The following IQSEC1 variants were observed in gnomAD, a reference collection of about 807,000 sequenced individuals.
IQSEC1 encodes the protein IQ motif and Sec7 domain ArfGEF 1, also known as IQ motif and SEC7 domain-containing protein 1.
A neutral mutation model predicts 91.0 loss-of-function variants in IQSEC1; 31 were observed. The observed-to-expected ratio is 0.34, with a 90% CI of 0.26 to 0.46. The LOEUF (loss-of-function observed/expected upper bound fraction) is 0.46. Ranked by LOEUF, IQSEC1 falls within the 20% of genes least tolerant of loss-of-function variation. The pLI is 1.00. For synonymous variants in IQSEC1, 699 were observed against 662.6 expected (o/e 1.05, Z -0.84); for missense variants, 1,388 against 1,575.6 (o/e 0.88, Z 2.02).
chr3:13,234,151 T>G (rs1422512722), intron 1 of IQSEC1, among the ~76,000 whole-genome samples: 1 of 152,134 alleles, frequency 6.6e-6, no homozygotes, highest in African/African-American at 2.4e-5. Flanking sequence ...TTTGTCTGTG[T>G]GTACCCCAGT....
In IQSEC1 at chr3:12,935,105, A is replaced by G. The variant is rs1281907804; in HGVS notation, c.1568+343T>C. ...CACATCACCCCTAGGCCTGACATCC[A>G]AAGTTGCGCAGGGCATGGCCCAACA... On this transcript the variant is annotated intron_variant, in intron 3 of 13. Coordinates refer to ENST00000613206, the MANE Select transcript of IQSEC1 (RefSeq NM_001134382.3). The surrounding 1 kb of genome is among the most constrained non-coding windows in gnomAD (Gnocchi z 8.0). Among the ~76,000 whole-genome samples, 1 of 152,050 alleles carries G rather than the reference A, an allele frequency of 6.6e-6. No individual in the cohort carries two copies. The highest frequency in any genetic ancestry group is 2.4e-5 in the African/African-American group (1 of 41,404).
intron 1 of IQSEC1, among the ~76,000 whole-genome samples, chr3:13,264,690 A>G (rs149076209): frequency 2.8e-4 from 42 of 152,114 alleles, no homozygotes; most frequent in African/African-American, 9.9e-4. Flanking sequence ...GAACGAATCA[A>G]TCACTAATTC....
At chr3:12,931,495 G>A (rs750363810) in intron 3 of IQSEC1, among the ~76,000 whole-genome samples, 3 of 152,176 alleles carry the variant, frequency 2.0e-5, no homozygotes, top group Non-Finnish European at 4.4e-5. Context: ...GAAGGTGTTC[G>A]GCATGGGGCC....
At chr3:13,143,801 T>G (rs1246751576) in intron 2 of IQSEC1, among the ~76,000 whole-genome samples, 1 of 151,900 alleles carries the variant, frequency 6.6e-6, no homozygotes, top group Admixed American at 6.6e-5. Context: ...CAGGGAGGGG[T>G]TGGGAAAGGA....
chr3:13,069,107 T>C (rs1332983433), intron 1 of IQSEC1, among the ~76,000 whole-genome samples: 1 of 152,250 alleles, frequency 6.6e-6, no homozygotes, highest in African/African-American at 2.4e-5. Flanking sequence ...GGTGGATAGA[T>C]GCTACAGCAT....
chr3:13,249,306 G>C (rs568341485), intron 1 of IQSEC1, among the ~76,000 whole-genome samples: 24 of 151,528 alleles, frequency 1.6e-4, no homozygotes, highest in Non-Finnish European at 1.6e-4. Flanking sequence ...TGAGTAGCTG[G>C]GACTACAGGC....
chr3:13,028,504 TC>T (rs1393184124), intron 1 of IQSEC1, among the ~76,000 whole-genome samples: 13 of 152,184 alleles, frequency 8.5e-5, no homozygotes, highest in African/African-American at 3.1e-4. Context: ...GGGATGTTTT[TC>T]CAAGAACTTG....
chr3:13,192,101 C>T (rs1391736159), intron 1 of IQSEC1, among the ~76,000 whole-genome samples: 4 of 151,936 alleles, frequency 2.6e-5, no homozygotes, highest in African/African-American at 9.7e-5. Context: ...TTTGGGAGGC[C>T]GAGGCGGGCG....
chr3:12,912,553 A>G (rs1488569352), intron 9 of IQSEC1, among the ~76,000 whole-genome samples: 1 of 151,854 alleles, frequency 6.6e-6, no homozygotes, highest in Non-Finnish European at 1.5e-5. Context: ...AGTCCCAGCT[A>G]CTCGGGAGGC....
At chr3:13,150,366 A>C (rs1706975279) in intron 2 of IQSEC1, among the ~76,000 whole-genome samples, 1 of 152,182 alleles carries the variant, frequency 6.6e-6, no homozygotes, top group Non-Finnish European at 1.5e-5. Flanking sequence ...CATTCTGCAA[A>C]GGGAATGTGG....
intron 12 of IQSEC1, among the ~76,000 whole-genome samples, chr3:12,906,430 G>A (rs545298934): frequency 1.3e-5 from 2 of 152,340 alleles, no homozygotes; most frequent in East Asian, 3.9e-4. Flanking sequence ...GTCCCGATGG[G>A]AGATCACAGG....
chr3:13,161,972 C>T (rs540209602), intron 2 of IQSEC1, among the ~76,000 whole-genome samples: 2 of 152,176 alleles, frequency 1.3e-5, no homozygotes, highest in Non-Finnish European at 2.9e-5. Context: ...GTTCCCCCAC[C>T]GAAATGTCGT....
intron 1 of IQSEC1, among the ~76,000 whole-genome samples, chr3:12,964,090 G>C (rs1323065083): frequency 6.6e-6 from 1 of 152,252 alleles, no homozygotes; most frequent in African/African-American, 2.4e-5. Flanking sequence ...AGCCAGGATA[G>C]TGGCAGGTCC....
At position 12,994,942 on chromosome 3, in the gene IQSEC1, GGCGGGAGCGCGCCC is replaced by G. The variant is rs1039539346; in HGVS notation, c.24-53091_24-53078del. 4.6e-5 allele frequency: 7 copies of G among 152,706 alleles called. No individual in the cohort carries two copies. Among genetic ancestry groups the G allele is most frequent in the Admixed American group, 3.9e-4 (6 of 15,314 alleles). The allele number at this position is 152,706 out of a possible 1,614,324, so 9.5% of individuals were successfully genotyped here. On this transcript the variant is annotated intron_variant, in intron 1 of 13. Coordinates refer to ENST00000613206, the MANE Select transcript of IQSEC1 (RefSeq NM_001134382.3). This position sits in a 1 kb window ranked among gnomAD's most constrained non-coding sequence, Gnocchi z 4.5. ...AGAGGCTGGGCCTGGAAGGGATATG[GGCGGGAGCGCGCCC>G]GCGGGGGTGCACCTAAGGAGAAAGC...
At chr3:13,262,383 G>A (rs2125131386) in intron 1 of IQSEC1, among the ~76,000 whole-genome samples, 1 of 152,350 alleles carries the variant, frequency 6.6e-6, no homozygotes, top group South Asian at 2.1e-4. Context: ...CAGCACACTG[G>A]AGGGGCCTGG....
intron 1 of IQSEC1, among the ~76,000 whole-genome samples, chr3:12,987,219 G>T (rs968329895): frequency 6.6e-6 from 1 of 152,260 alleles, no homozygotes; most frequent in East Asian, 1.9e-4. Context: ...GTCCTGCTGG[G>T]GGCGGGGAGG....
intron 1 of IQSEC1, among the ~76,000 whole-genome samples, chr3:13,239,504 CG>C (rs1377855386): frequency 2.6e-5 from 4 of 152,242 alleles, no homozygotes; most frequent in Non-Finnish European, 5.9e-5. Context: ...TCCTCCTGGC[CG>C]TGAGGCCCTG....
chr3:13,032,511 G>A (rs11920022), intron 1 of IQSEC1, among the ~76,000 whole-genome samples: 53,328 of 152,110 alleles, frequency 0.35, 10,059 homozygotes, highest in East Asian at 0.59. Flanking sequence ...GGAAGGACAA[G>A]TGTGCACCCC....
At chr3:13,236,990 C>T (rs1694941905) in intron 1 of IQSEC1, among the ~76,000 whole-genome samples, 1 of 152,242 alleles carries the variant, frequency 6.6e-6, no homozygotes, top group Non-Finnish European at 1.5e-5. Context: ...ACCTGGCTCA[C>T]AACACCTGCC....
Sources: gnomAD v4.1 joint callset for allele counts (sites outside exome capture counted in the v4.1 genomes callset) on GRCh38, gnomAD v4.1.1 for gene constraint, Gnocchi (gnomAD v3.1) non-coding constraint, MANE v1.5 for transcripts, NCBI Gene and HGNC (gene_info 2026-07-23, HGNC 2026-07-21) for gene names.